The following CELF2 variants were observed in gnomAD, a reference collection of about 807,000 sequenced individuals.
CELF2 encodes CUGBP Elav-like family member 2.
Under a neutral mutation model 62.6 loss-of-function variants are expected in CELF2, and 8 were observed. The observed-to-expected ratio is 0.13, with a 90% CI of 0.07 to 0.23. The LOEUF is 0.23. Among genes scored for constraint, CELF2 ranks in the 10% least tolerant of loss-of-function variants. CELF2 has a pLI of 1.00. For synonymous variants in CELF2, 258 were observed against 250.0 expected (o/e 1.03, Z -0.30); for missense variants, 333 against 671.0 (o/e 0.50, Z 5.56).
chr10:10,597,223 G>C, the CELF2 span, among the ~76,000 whole-genome samples: 1 of 152,226 alleles, frequency 6.6e-6, no homozygotes, highest in African/African-American at 2.4e-5. Flanking sequence ...CTCAACCAAA[G>C]AGGCCCAATG....
the CELF2 span, among the ~76,000 whole-genome samples, chr10:10,722,114 A>G: frequency 1.3e-5 from 2 of 152,026 alleles, no homozygotes; most frequent in African/African-American, 4.8e-5. Flanking sequence ...CAGCCTGGGC[A>G]ACAAAGCAAG....
At chr10:10,588,566 T>C in the CELF2 span, among the ~76,000 whole-genome samples, 2 of 152,096 alleles carry the variant, frequency 1.3e-5, no homozygotes, top group African/African-American at 4.8e-5. Context: ...CTCAATATGG[T>C]GGTGGGGTGG....
At chr10:10,786,799 C>A in the CELF2 span, 1 of 152,146 alleles carries the variant, frequency 6.6e-6, no homozygotes, top group Admixed American at 6.5e-5. Context: ...GTGAATTTAA[C>A]CATTCTCTAC....
At position 11,165,687 on chromosome 10, in the gene CELF2, A is replaced by G; in HGVS notation, c.271+5A>G. 2 of 1,608,184 alleles carry G rather than the reference A, an allele frequency of 1.2e-6. No homozygotes were observed. The highest frequency in any genetic ancestry group is 1.7e-6 in the Non-Finnish European group (2 of 1,177,100). On this transcript the variant is annotated splice_donor_5th_base_variant and intron_variant, in intron 2 of 12. Coordinates refer to ENST00000633077, the MANE Select transcript of CELF2 (RefSeq NM_001326342.2). This position sits in a 1 kb window ranked among gnomAD's most constrained non-coding sequence, Gnocchi z 7.4. ...AGAACCCTCCGCAGAGTAAAGGTAC[A>G]GAGCGCGGGGCGGGGGTCGCCAGGC...
the CELF2 span, among the ~76,000 whole-genome samples, chr10:10,719,047 A>G: frequency 7.1e-6 from 1 of 140,036 alleles, no homozygotes; most frequent in Admixed American, 7.7e-5. Context: ...GTACAGTGGC[A>G]CAATCCTGGG....
At chr10:11,036,404 G>A (rs896724005) in intron 1 of CELF2, among the ~76,000 whole-genome samples, 12 of 152,156 alleles carry the variant, frequency 7.9e-5, no homozygotes, top group Admixed American at 3.3e-4. Flanking sequence ...AGCCATTTAC[G>A]CAGTAAAGGT....
chr10:11,017,238 G>A (rs960106399), upstream of CELF2, among the ~76,000 whole-genome samples: 6 of 152,126 alleles, frequency 3.9e-5, no homozygotes, highest in Non-Finnish European at 8.8e-5. The surrounding 1 kb of genome is among the most constrained non-coding windows in gnomAD (Gnocchi z 5.5). Context: ...CACTCAGCTG[G>A]TTTCTAATTA....
intron 1 of CELF2, among the ~76,000 whole-genome samples, chr10:10,887,874 C>T (rs562230443): frequency 3.7e-4 from 56 of 151,984 alleles, no homozygotes; most frequent in Admixed American, 3.3e-3. Flanking sequence ...CAAGTTCAAG[C>T]GATTCTCCTG....
At chr10:10,831,896 C>T (rs550240201) in intron 1 of CELF2, among the ~76,000 whole-genome samples, 17 of 152,172 alleles carry the variant, frequency 1.1e-4, no homozygotes, top group African/African-American at 2.4e-4. Context: ...CACTTGGACC[C>T]GGGAGGCGGA....
chr10:10,887,962 G>A (rs890556018), intron 1 of CELF2, among the ~76,000 whole-genome samples: 1 of 152,018 alleles, frequency 6.6e-6, no homozygotes, highest in African/African-American at 2.4e-5. Context: ...TAGTAGAGAC[G>A]GGGTTTCACC....
At chr10:10,831,869 G>A (rs1279408971) in intron 1 of CELF2, among the ~76,000 whole-genome samples, 9 of 152,162 alleles carry the variant, frequency 5.9e-5, no homozygotes, top group African/African-American at 2.2e-4. Context: ...CTACTCAGGA[G>A]GCTGAGGCAC....
At chr10:10,577,400 T>C in the CELF2 span, among the ~76,000 whole-genome samples, 1 of 110,846 alleles carries the variant, frequency 9.0e-6, no homozygotes, top group African/African-American at 3.1e-5. Context: ...TATTATACTT[T>C]AAGTTTTAGG....
chr10:10,473,782 A>G, the CELF2 span, among the ~76,000 whole-genome samples: 18 of 152,218 alleles, frequency 1.2e-4, 1 homozygote, highest in African/African-American at 4.3e-4. Flanking sequence ...GTCCAGAGTC[A>G]CACACTAAGC....
At chr10:10,575,577 C>T in the CELF2 span, among the ~76,000 whole-genome samples, 1 of 152,184 alleles carries the variant, frequency 6.6e-6, no homozygotes, top group Non-Finnish European at 1.5e-5. Flanking sequence ...AAAGATGACT[C>T]TCTCACCATG....
chr10:10,524,728 TTTGA>T, the CELF2 span, among the ~76,000 whole-genome samples: 7 of 152,124 alleles, frequency 4.6e-5, no homozygotes, highest in Admixed American at 1.3e-4. Context: ...TGCCTCACAC[TTTGA>T]TTGAGCATGT....
Position 10,857,649 on chromosome 10 carries a change from G to GTTTATATATATA in CELF2, c.53+58833_53+58834insTTATATATATAT, listed in dbSNP as rs1554855649. 2.9e-3 allele frequency among the ~76,000 whole-genome samples: 270 copies of GTTTATATATATA among 94,198 alleles called. 2 individuals are homozygous for GTTTATATATATA. Among genetic ancestry groups the GTTTATATATATA allele is most frequent in the Middle Eastern group, 6.9e-3 (1 of 144 alleles). 61.8% of individuals were successfully genotyped at this position (94,198 alleles called of 152,430 possible). A position where few individuals can be genotyped will look rare whatever the true frequency, so the allele number is the denominator to read the frequency against. The stretch of plus-strand genomic sequence containing the variant: ...ATATGTGGTAAACTACATATATATA[G>GTTTATATATATA]TATATATATATATATATATATATAT... On this transcript the variant is annotated intron_variant, in intron 1 of 13. Transcript: ENST00000636488.
chr10:10,981,950 C>CTTTTTT (rs34134637), intron 2 of CELF2, among the ~76,000 whole-genome samples: 30 of 125,338 alleles, frequency 2.4e-4, no homozygotes, highest in Non-Finnish European at 3.1e-4. Context: ...CTTCCTTTTC[C>CTTTTTT]TTTTTTTTTT....
chr10:10,474,718 G>A, the CELF2 span, among the ~76,000 whole-genome samples: 1 of 152,070 alleles, frequency 6.6e-6, no homozygotes, highest in East Asian at 1.9e-4. Flanking sequence ...TGCAGGAGAG[G>A]AAGTCACCAG....
chr10:11,184,850 TC>T (rs1206493032), intron 2 of CELF2, among the ~76,000 whole-genome samples: 1 of 152,228 alleles, frequency 6.6e-6, no homozygotes, highest in Admixed American at 6.5e-5. Context: ...CAGTTCTACT[TC>T]TTTTCCAATC....
Sources: gnomAD v4.1 joint callset for allele counts (sites outside exome capture counted in the v4.1 genomes callset) on GRCh38, gnomAD v4.1.1 for gene constraint, Gnocchi (gnomAD v3.1) non-coding constraint, MANE v1.5 for transcripts, NCBI Gene and HGNC (gene_info 2026-07-23, HGNC 2026-07-21) for gene names.